The following PIK3IP1 variants were observed in gnomAD, a reference collection of about 807,000 sequenced individuals.
The protein encoded by PIK3IP1 is phosphoinositide-3-kinase-interacting protein 1.
PIK3IP1 carries 28 observed loss-of-function variants against 30.7 expected under a neutral mutation model. The observed-to-expected ratio is 0.91, with a 90% CI of 0.68 to 1.25. PIK3IP1 has a LOEUF of 1.25. Among genes scored for constraint, PIK3IP1 ranks in the 50% most tolerant of loss-of-function variants. PIK3IP1 has a pLI of 0.00. For synonymous variants in PIK3IP1, 159 were observed against 140.8 expected (o/e 1.13, Z -0.91); for missense variants, 333 against 346.2 (o/e 0.96, Z 0.30).
rs767188704 is a variant in PIK3IP1, at chr22:31,292,396, C to T, written c.-52G>A. The T allele has an allele frequency of 3.2e-6, 5 of 1,568,410 alleles. No homozygotes were observed. The highest frequency in any genetic ancestry group is 1.1e-5 in the South Asian group (1 of 90,122). On this transcript the variant is annotated 5_prime_UTR_variant, in exon 1 of 6. Coordinates refer to ENST00000215912, the MANE Select transcript of PIK3IP1 (RefSeq NM_052880.5). ...TTGAACGACCAGTGTTTAACCGAGG[C>T]CCCCTTGGCGGCGGCTCTGCCTCCC...
rs748019089 is a variant in PIK3IP1, at chr22:31,289,350, G to A, written c.552C>T (p.Ile184=). ...AGTAGCCCAAGATGATGCCAGCTCCGATGGCAATGATGATCACCATCATGG... is the reference window on the plus strand; with the variant it reads ...AGTAGCCCAAGATGATGCCAGCTCCAATGGCAATGATGATCACCATCATGG... ...GITMMVIIIA[I]GAGIILGYSY... The change falls in exon 5 of 6, where the codon ATC becomes ATT. Residue 184 remains isoleucine (I), a synonymous_variant. Coordinates refer to ENST00000215912, the MANE Select transcript of PIK3IP1 (RefSeq NM_052880.5). 5.6e-6 allele frequency: 9 copies of A among 1,613,460 alleles called. No individual in the cohort carries two copies. The Admixed American group carries it at 1.0e-4, about 18-fold the overall frequency.
intron 5 of PIK3IP1, among the ~76,000 whole-genome samples, chr22:31,287,329 ATTT>A (rs776460911): frequency 1.3e-3 from 114 of 85,654 alleles, no homozygotes; most frequent in South Asian, 6.3e-3. Flanking sequence ...CATTACCTAC[ATTT>A]TTTTTTTTTT....
chr22:31,289,744 GTGAATTCCACAGC>G, intron 3 of PIK3IP1, 45 bp from the exon 4 acceptor site: 3 of 1,537,322 alleles, frequency 2.0e-6, no homozygotes, highest in Non-Finnish European at 1.8e-6. Flanking sequence ...ACTGCCCTGA[GTGAATTCCACAGC>G]TGAACCTGGC....
intron 5 of PIK3IP1, among the ~76,000 whole-genome samples, chr22:31,285,600 G>A (rs951102748): frequency 6.6e-6 from 1 of 152,196 alleles, no homozygotes; most frequent in Non-Finnish European, 1.5e-5. Flanking sequence ...CTTGTCCAGT[G>A]TCACATCCAG....
chr22:31,288,626 G>A (rs577248146), intron 5 of PIK3IP1, among the ~76,000 whole-genome samples: 21 of 152,354 alleles, frequency 1.4e-4, no homozygotes, highest in African/African-American at 5.1e-4. Context: ...TTACCATCAT[G>A]CACCAGTCAC....
At chr22:31,291,373 C>A in intron 1 of PIK3IP1, 77 bp from the exon 2 acceptor site, 1 of 1,375,356 alleles carries the variant, frequency 7.3e-7, no homozygotes, top group Non-Finnish European at 1.0e-6. Flanking sequence ...GACAGGGGAG[C>A]CGGGACCACC....
intron 1 of PIK3IP1, 62 bp from the exon 2 acceptor site, chr22:31,291,358 T>C (rs2049177391): frequency 2.7e-6 from 4 of 1,504,384 alleles, no homozygotes; most frequent in Non-Finnish European, 3.6e-6. Flanking sequence ...ACGCCCAGCG[T>C]GGCGGACAGG....
Position 31,283,106 on chromosome 22 carries a change from T to G in PIK3IP1, c.770A>C (p.Gln257Pro). 1 of 1,607,836 alleles carries G rather than the reference T, an allele frequency of 6.2e-7. No individual in the cohort carries two copies. The change falls in exon 6 of 6, where the codon CAG (glutamine) becomes CCG (proline). Residue 257 changes from glutamine (Q) to proline (P), a missense_variant. Coordinates refer to ENST00000215912, the MANE Select transcript of PIK3IP1 (RefSeq NM_052880.5). ...PQEGTTPLMG[Q>P]AGTPGA The stretch of plus-strand genomic sequence containing the variant: ...GGCTCAGGCCCCAGGAGTCCCGGCC[T>G]GGCCCATAAGGGGGGTGGTGCCCTC...
chr22:31,282,506 C>A lies in PIK3IP1; in HGVS notation c.*578G>T, dbSNP rs2049097289. The A allele has an allele frequency of 6.5e-6, 1 of 152,870 alleles. No homozygotes were observed. Among genetic ancestry groups the A allele is most frequent in the Non-Finnish European group, 1.5e-5 (1 of 68,230 alleles). 9.5% of individuals were successfully genotyped at this position (152,870 alleles called of 1,614,324 possible). ...GGTTGTCAAGGCACATCATTGCCAG[C>A]AAGCTGAAGCATACCAGCAGCCACA... On this transcript the variant is annotated 3_prime_UTR_variant, in exon 6 of 6. Transcript: ENST00000215912.
Position 31,283,124 on chromosome 22 carries a change from G to GC in PIK3IP1, c.751_752insG (p.Thr251SerfsTer36). 6.2e-7 allele frequency: 1 copy of GC among 1,611,350 alleles called. No homozygotes were observed. Among genetic ancestry groups the GC allele is most frequent in the South Asian group, 1.1e-5 (1 of 90,744 alleles). ...CCCGGCCTGGCCCATAAGGGGGGTG[G>GC]TGCCCTCCTGAGGGTCAACTGGAGT... On this transcript the variant is annotated frameshift_variant, in exon 6 of 6. Transcript: ENST00000215912. LOFTEE classifies it high-confidence loss of function.
rs370460638 is a variant in PIK3IP1, at chr22:31,288,801, CAG to C, written c.587+512_587+513del. Among the ~76,000 whole-genome samples the C allele has an allele frequency of 5.2e-3, 788 of 152,342 alleles. 5 individuals are homozygous for C. The highest frequency in any genetic ancestry group is 0.018 in the African/African-American group (748 of 41,580). On this transcript the variant is annotated intron_variant, in intron 5 of 5. Transcript: ENST00000215912. ...TCCAACTCACTTTTTTCTTCCCTAG[CAG>C]AGGAGATCCCACTGCTTATAGCTCA...
intron 5 of PIK3IP1, among the ~76,000 whole-genome samples, chr22:31,285,135 G>T (rs1283961332): frequency 6.6e-6 from 1 of 152,010 alleles, no homozygotes; most frequent in Non-Finnish European, 1.5e-5. Flanking sequence ...GACTACACAG[G>T]TCGTCTTCAA....
At chr22:31,285,597 A>G (rs1204313117) in intron 5 of PIK3IP1, among the ~76,000 whole-genome samples, 3 of 152,252 alleles carry the variant, frequency 2.0e-5, no homozygotes, top group Non-Finnish European at 4.4e-5. Flanking sequence ...TAACTTGTCC[A>G]GTGTCACATC....
chr22:31,285,013 G>C (rs1601459003), intron 5 of PIK3IP1, among the ~76,000 whole-genome samples: 1 of 152,214 alleles, frequency 6.6e-6, no homozygotes, highest in Non-Finnish European at 1.5e-5. Flanking sequence ...CTTGCTCCAA[G>C]GCCAGGGTGG....
At chr22:31,290,892 C>G in intron 3 of PIK3IP1, 73 bp downstream of exon 3, 1 of 1,467,806 alleles carries the variant, frequency 6.8e-7, no homozygotes, top group Non-Finnish European at 9.0e-7. Flanking sequence ...CGCGGCCGCA[C>G]GTGCGCCACG....
Position 31,291,080 on chromosome 22 carries a change from G to T in PIK3IP1, c.192C>A (p.Ala64=), listed in dbSNP as rs371846768. 9.0e-6 allele frequency: 14 copies of T among 1,552,986 alleles called. No individual in the cohort carries two copies. The African/African-American group carries it at 1.4e-4, about 15-fold the overall frequency. ...GGTTTCGGCAGTAACTGTGATTGCC[G>T]GCCCCTAAGAGAGGAGAGAAGGAAA... ...SGLASAPVSG[A]GNHSYCRNPD... The change falls in exon 3 of 6, where the codon GCC becomes GCA. Residue 64 remains alanine (A), a synonymous_variant. Transcript: ENST00000215912.
chr22:31,290,941 A>G (rs1353799168), intron 3 of PIK3IP1, 24 bp downstream of exon 3: 1 of 1,546,042 alleles, frequency 6.5e-7, no homozygotes, highest in South Asian at 1.2e-5. Flanking sequence ...AGGAGCGGGG[A>G]TTCCCGGGGT....
intron 5 of PIK3IP1, among the ~76,000 whole-genome samples, chr22:31,287,238 C>T (rs965006953): frequency 2.0e-5 from 3 of 151,204 alleles, no homozygotes; most frequent in African/African-American, 7.3e-5. Context: ...ATGCTGGTCT[C>T]GAACTCTTGG....
In PIK3IP1 at chr22:31,283,283, T is replaced by A; in HGVS notation, c.593A>T (p.Lys198Met). 6.2e-7 allele frequency: 1 copy of A among 1,608,826 alleles called. No individual in the cohort carries two copies. Among genetic ancestry groups the A allele is most frequent in the Non-Finnish European group, 8.5e-7 (1 of 1,179,696 alleles). ...CTGATCATGCTGTTCTTTCAAATCC[T>A]TCCCCCTGGCAGGAAAAAAACAAAC... ...IILGYSYKRGKDLKEQHDQKV... is the reference protein window; with the variant it reads ...IILGYSYKRGMDLKEQHDQKV... Residue 198 changes from lysine to methionine, a missense_variant, in exon 6 of 6, where the codon AAG (lysine) becomes ATG (methionine). By Grantham distance (95) the Lys-to-Met change is moderately conservative. Transcript: ENST00000215912.
Sources: allele counts gnomAD v4.1 joint callset (sites outside exome capture counted in the v4.1 genomes callset), GRCh38; gene constraint gnomAD v4.1.1; transcripts MANE v1.5; gene names NCBI Gene and HGNC (gene_info 2026-07-23, HGNC 2026-07-21).